The following GMDS variants were observed in gnomAD, a reference collection of about 807,000 sequenced individuals.
The protein encoded by GMDS is GDP-mannose 4,6-dehydratase.
In GMDS, 20 loss-of-function variants were observed where a neutral mutation model predicts 49.9. That is an observed-to-expected ratio of 0.40 (90% confidence interval 0.28 to 0.58). GMDS has a LOEUF of 0.58. Among genes scored for constraint, GMDS ranks in the 20% least tolerant of loss-of-function variants. GMDS has a pLI of 0.42. For missense variants in GMDS, 362 were observed against 481.4 expected, an observed-to-expected ratio of 0.75 and a Z score of 2.32; for synonymous variants, 177 against 178.6, an observed-to-expected ratio of 0.99 and a Z score of 0.07.
chr6:2,076,826 A>G (rs1178210624), intron 4 of GMDS, among the ~76,000 whole-genome samples: 1 of 152,254 alleles, frequency 6.6e-6, no homozygotes, highest in East Asian at 1.9e-4. Flanking sequence ...AAACCTAGGC[A>G]ATACCATTCA....
chr6:1,864,535 TAACCAGGGAGGAAAGCA>T (rs1212975031), intron 7 of GMDS, among the ~76,000 whole-genome samples: 6 of 152,218 alleles, frequency 3.9e-5, no homozygotes, highest in Admixed American at 3.3e-4. Context: ...TGCTAGAATA[TAACCAGGGAGGAAAGCA>T]AACCCATGAT....
At chr6:2,175,961 G>C in intron 1 of GMDS, 1 of 1,526,056 alleles carries the variant, frequency 6.6e-7, no homozygotes, top group Non-Finnish European at 8.8e-7. Context: ...CAGAGGCAAT[G>C]GTAACGCTCC....
intron 9 of GMDS, among the ~76,000 whole-genome samples, chr6:1,690,731 A>G (rs1315406998): frequency 6.6e-6 from 1 of 152,248 alleles, no homozygotes; most frequent in African/African-American, 2.4e-5. Context: ...AAAAGAAGAC[A>G]TTTATGCAGC....
At chr6:1,731,589 A>G (rs1249738614) in intron 8 of GMDS, among the ~76,000 whole-genome samples, 1 of 152,240 alleles carries the variant, frequency 6.6e-6, no homozygotes, top group Non-Finnish European at 1.5e-5. Context: ...CAATCTAGAA[A>G]TATATACCAG....
chr6:2,096,571 C>CT (rs1464336711), intron 4 of GMDS, among the ~76,000 whole-genome samples: 1 of 152,154 alleles, frequency 6.6e-6, no homozygotes, highest in East Asian at 1.9e-4. Context: ...TAAGTAACAG[C>CT]TGTCAGTAGG....
chr6:2,196,081 C>T (rs1779263712), intron 1 of GMDS, among the ~76,000 whole-genome samples: 1 of 152,070 alleles, frequency 6.6e-6, no homozygotes, highest in Admixed American at 6.5e-5. Flanking sequence ...TGCCCAAAAA[C>T]TTACAAACAT....
At chr6:1,681,148 A>C (rs906155259) in intron 9 of GMDS, among the ~76,000 whole-genome samples, 1 of 151,790 alleles carries the variant, frequency 6.6e-6, no homozygotes, top group African/African-American at 2.4e-5. Flanking sequence ...ACACACCTAT[A>C]TACACACACA....
intron 4 of GMDS, among the ~76,000 whole-genome samples, chr6:2,000,572 T>G (rs942969204): frequency 6.6e-6 from 1 of 152,226 alleles, no homozygotes; most frequent in African/African-American, 2.4e-5. Flanking sequence ...ATAATATTTT[T>G]AAGGTTCATC....
chr6:2,074,544 T>A (rs1772209492), intron 4 of GMDS, among the ~76,000 whole-genome samples: 1 of 152,244 alleles, frequency 6.6e-6, no homozygotes, highest in Non-Finnish European at 1.5e-5. Flanking sequence ...TTTGTTTTAG[T>A]TCTCTGTGCT....
chr6:1,738,693 ATT>A (rs1767143337), intron 8 of GMDS, among the ~76,000 whole-genome samples: 1 of 71,652 alleles, frequency 1.4e-5, no homozygotes, highest in Non-Finnish European at 4.8e-5. Flanking sequence ...TTCTAGCTTA[ATT>A]AATGGCAATG....
At chr6:2,174,093 C>CT (rs1778151336) in intron 1 of GMDS, among the ~76,000 whole-genome samples, 2 of 152,174 alleles carry the variant, frequency 1.3e-5, no homozygotes, top group African/African-American at 4.8e-5. Flanking sequence ...AGTAACTAAT[C>CT]ATGTGACCTT....
At chr6:1,895,153 T>G (rs549997595) in intron 7 of GMDS, among the ~76,000 whole-genome samples, 1 of 152,142 alleles carries the variant, frequency 6.6e-6, no homozygotes, top group Non-Finnish European at 1.5e-5. Context: ...GGCAACGAGT[T>G]TGGGGAGTGC....
intron 9 of GMDS, among the ~76,000 whole-genome samples, chr6:1,725,486 C>T (rs1412761538): frequency 6.6e-6 from 1 of 151,710 alleles, no homozygotes; most frequent in African/African-American, 2.4e-5. Flanking sequence ...GGCTGGAGTG[C>T]AATGGCGCGC....
intron 1 of GMDS, among the ~76,000 whole-genome samples, chr6:2,220,442 C>T (rs1256475383): frequency 6.6e-6 from 1 of 152,126 alleles, no homozygotes. Context: ...ATATTTTTTA[C>T]TGTTAAGTGC....
intron 8 of GMDS, among the ~76,000 whole-genome samples, chr6:1,731,424 G>A (rs1206126607): frequency 7.9e-5 from 12 of 152,174 alleles, no homozygotes; most frequent in African/African-American, 2.7e-4. Flanking sequence ...CTCACATCAA[G>A]TTCCACACCA....
chr6:1,777,589 T>G (rs1460673014), intron 7 of GMDS, among the ~76,000 whole-genome samples: 1 of 152,212 alleles, frequency 6.6e-6, no homozygotes, highest in Non-Finnish European at 1.5e-5. Flanking sequence ...TGTAATGACA[T>G]CAATATTTCT....
intron 4 of GMDS, among the ~76,000 whole-genome samples, chr6:2,075,419 C>G (rs185433391): frequency 1.3e-3 from 193 of 152,272 alleles, no homozygotes; most frequent in Non-Finnish European, 2.1e-3. Context: ...TATCCCTCCC[C>G]ACAACAGGCC....
At chr6:1,669,235 T>C (rs551658698) in intron 9 of GMDS, among the ~76,000 whole-genome samples, 1 of 152,224 alleles carries the variant, frequency 6.6e-6, no homozygotes, top group African/African-American at 2.4e-5. Flanking sequence ...GCTATCATAG[T>C]CTGGGGTGCT....
Position 2,155,944 on chromosome 6 carries a change from G to A in GMDS, c.103-31213C>T, listed in dbSNP as rs189518038. ...AACCTACTTATAAAATCAAACTCAGGTATAAAGAAATAAACCCACAACAAA... is the reference window on the plus strand; with the variant it reads ...AACCTACTTATAAAATCAAACTCAGATATAAAGAAATAAACCCACAACAAA... On this transcript the variant is annotated intron_variant, in intron 1 of 10. Transcript: ENST00000380815. Among the ~76,000 whole-genome samples the A allele has an allele frequency of 3.8e-3, 572 of 151,866 alleles. 5 individuals are homozygous for A. The highest frequency in any genetic ancestry group is 0.01 in the Middle Eastern group (3 of 294).
Sources: allele counts gnomAD v4.1 joint callset (sites outside exome capture counted in the v4.1 genomes callset), GRCh38; gene constraint gnomAD v4.1.1; transcripts MANE v1.5; gene names NCBI Gene and HGNC (gene_info 2026-07-23, HGNC 2026-07-21).